DCDC2C: variants seen among roughly 807,000 people sequenced by gnomAD.
DCDC2C encodes the protein doublecortin domain containing 2C, also known as doublecortin domain-containing protein 2C.
In DCDC2C, 44 loss-of-function variants were observed where a neutral mutation model predicts 45.0. The observed-to-expected ratio is 0.98, with a 90% CI of 0.77 to 1.26. The LOEUF is 1.26. Ranked by LOEUF, DCDC2C falls within the 50% of genes most tolerant of loss-of-function variation. The pLI, the probability that DCDC2C is intolerant of heterozygous loss-of-function variation, is 0.00. For missense variants in DCDC2C, 447 were observed against 468.9 expected (o/e 0.95, Z 0.43); for synonymous variants, 187 against 178.8 (o/e 1.05, Z -0.37).
chr2:3,752,837 G>T lies in DCDC2C; in HGVS notation c.620G>T (p.Gly207Val). Residue 207 changes from glycine (G) to valine (V), a missense_variant, in exon 5 of 11, where the codon GGA becomes GTA. Physicochemically the swap from Gly to Val is moderately radical, Grantham distance 109 (BLOSUM62 -3). Coordinates refer to ENST00000399143, the MANE Select transcript of DCDC2C (RefSeq NM_001287444.2). The stretch of plus-strand genomic sequence containing the variant: ...GACAATCACTTTTATGTTGCTGTGG[G>T]ACTGGAGACCTTCAAATATTTTCCT... The part of the protein sequence containing the change: ...LQDNHFYVAV[G>V]LETFKYFPYW... 1.3e-6 allele frequency: 2 copies of T among 1,550,524 alleles called. No individual in the cohort carries two copies. The highest frequency in any genetic ancestry group is 1.7e-6 in the Non-Finnish European group (2 of 1,146,948).
chr2:3,735,860 G>GT (rs1464241424), intron 3 of DCDC2C, among the ~76,000 whole-genome samples: 2 of 151,546 alleles, frequency 1.3e-5, no homozygotes, highest in African/African-American at 2.4e-5. Flanking sequence ...GCTGATATAT[G>GT]TTTTTTCCAT....
At chr2:3,808,748 T>C (rs376146587) in intron 10 of DCDC2C, among the ~76,000 whole-genome samples, 184 of 152,368 alleles carry the variant, frequency 1.2e-3, no homozygotes, top group African/African-American at 4.3e-3. Context: ...GCAGAAGCTT[T>C]TAATTTTGAA....
chr2:3,770,282 C>A (rs559262060), intron 8 of DCDC2C, among the ~76,000 whole-genome samples: 70 of 152,250 alleles, frequency 4.6e-4, no homozygotes, highest in African/African-American at 1.6e-3. Context: ...AACTGTAAAC[C>A]ACCAAATCCT....
chr2:3,747,427 C>T (rs1669405536), intron 4 of DCDC2C, among the ~76,000 whole-genome samples: 2 of 152,228 alleles, frequency 1.3e-5, no homozygotes, highest in South Asian at 4.1e-4. Flanking sequence ...GAAGCCCCCA[C>T]CCCAAAGGCA....
chr2:3,765,877 G>A (rs1669998417), intron 6 of DCDC2C, among the ~76,000 whole-genome samples: 1 of 152,206 alleles, frequency 6.6e-6, no homozygotes, highest in African/African-American at 2.4e-5. Context: ...ACAGGGCAGA[G>A]GGACAATTTG....
At chr2:3,757,136 C>T (rs1296979303) in intron 6 of DCDC2C, among the ~76,000 whole-genome samples, 1 of 152,208 alleles carries the variant, frequency 6.6e-6, no homozygotes, top group Non-Finnish European at 1.5e-5. Context: ...CAGGGCTTCT[C>T]TGAGGCTGGA....
At chr2:3,819,422 C>T (rs187333793) in intron 10 of DCDC2C, among the ~76,000 whole-genome samples, 6 of 152,326 alleles carry the variant, frequency 3.9e-5, no homozygotes, top group East Asian at 1.9e-4. Context: ...TTAGACATTT[C>T]AAAGTTTTTG....
At chr2:3,721,427 T>C (rs1572557677) in intron 2 of DCDC2C, among the ~76,000 whole-genome samples, 2 of 152,322 alleles carry the variant, frequency 1.3e-5, no homozygotes, top group East Asian at 3.9e-4. Flanking sequence ...GTGAAGTCCT[T>C]TCCTGATGCT....
chr2:3,825,067 G>T (rs1454706459), intron 10 of DCDC2C, among the ~76,000 whole-genome samples: 1 of 152,174 alleles, frequency 6.6e-6, no homozygotes, highest in Admixed American at 6.5e-5. Context: ...CTAGTGGGAG[G>T]GTTTAGGGAG....
chr2:3,705,105 G>A (rs1668032332), intron 1 of DCDC2C, among the ~76,000 whole-genome samples: 2 of 152,162 alleles, frequency 1.3e-5, no homozygotes. Context: ...GTTCAAAAAT[G>A]CTCTGAATTA....
intron 10 of DCDC2C, among the ~76,000 whole-genome samples, chr2:3,821,638 G>C (rs1351015591): frequency 6.6e-6 from 1 of 152,220 alleles, no homozygotes; most frequent in Admixed American, 6.5e-5. Context: ...AAGATAACAT[G>C]TGGTTTTCTT....
chr2:3,715,070 G>A lies in DCDC2C; in HGVS notation c.339+6470G>A, dbSNP rs182504780. 3.7e-3 allele frequency among the ~76,000 whole-genome samples: 562 copies of A among 152,248 alleles called. 3 individuals are homozygous for A. Among genetic ancestry groups the A allele is most frequent in the African/African-American group, 0.013 (522 of 41,542 alleles). On this transcript the variant is annotated intron_variant, in intron 2 of 10. Coordinates refer to ENST00000399143, the MANE Select transcript of DCDC2C (RefSeq NM_001287444.2). Reference sequence around the variant, plus strand: ...CATGTACACATATACCTACATACATGTATATACTCCTAGCTTTATAAATGT... The same window carrying A: ...CATGTACACATATACCTACATACATATATATACTCCTAGCTTTATAAATGT...
At chr2:3,763,904 A>G (rs2148145431) in intron 6 of DCDC2C, among the ~76,000 whole-genome samples, 1 of 152,292 alleles carries the variant, frequency 6.6e-6, no homozygotes, top group Middle Eastern at 3.4e-3. Flanking sequence ...TTATTGAGGG[A>G]ATGAATGAAT....
chr2:3,720,907 G>T (rs977702029), intron 2 of DCDC2C, among the ~76,000 whole-genome samples: 1 of 152,168 alleles, frequency 6.6e-6, no homozygotes, highest in African/African-American at 2.4e-5. Context: ...GTCTTTGTGT[G>T]AAGAGTTTGA....
At chr2:3,771,278 G>A (rs986108896) in intron 8 of DCDC2C, among the ~76,000 whole-genome samples, 2 of 152,188 alleles carry the variant, frequency 1.3e-5, no homozygotes, top group Non-Finnish European at 2.9e-5. Flanking sequence ...CCCACTCGCC[G>A]GGTCCTGACA....
chr2:3,716,362 C>T (rs1425253244), intron 2 of DCDC2C, among the ~76,000 whole-genome samples: 1 of 151,990 alleles, frequency 6.6e-6, no homozygotes, highest in Non-Finnish European at 1.5e-5. Flanking sequence ...ACGCTGCTGA[C>T]CAGACAAGGA....
intron 3 of DCDC2C, among the ~76,000 whole-genome samples, chr2:3,737,905 T>C (rs1669076886): frequency 6.6e-6 from 1 of 152,180 alleles, no homozygotes; most frequent in Admixed American, 6.5e-5. Flanking sequence ...AAAAATTAAG[T>C]AGCAACACAG....
chr2:3,830,677 T>C (rs555031697), intron 10 of DCDC2C, among the ~76,000 whole-genome samples: 7 of 152,254 alleles, frequency 4.6e-5, no homozygotes, highest in African/African-American at 1.7e-4. Flanking sequence ...AGGGGAGCCA[T>C]GGGACCAGAG....
intron 9 of DCDC2C, among the ~76,000 whole-genome samples, chr2:3,781,194 A>G (rs1294299712): frequency 1.3e-5 from 2 of 152,282 alleles, no homozygotes; most frequent in Non-Finnish European, 2.9e-5. Context: ...ATAACAATGA[A>G]AAAGAAGCAG....
Sources: gnomAD v4.1 joint callset for allele counts (sites outside exome capture counted in the v4.1 genomes callset) on GRCh38, gnomAD v4.1.1 for gene constraint, MANE v1.5 for transcripts, NCBI Gene and HGNC (gene_info 2026-07-23, HGNC 2026-07-21) for gene names.